GSE1: variants seen among roughly 807,000 people sequenced by gnomAD.
GSE1 encodes the protein Gse1 coiled-coil protein.
In GSE1, 32 loss-of-function variants were observed where a neutral mutation model predicts 112.6. That is an observed-to-expected ratio of 0.28 (90% CI 0.21 to 0.38). GSE1 has a LOEUF of 0.38. GSE1 is among the 10% of genes least tolerant of loss of function. The pLI, the probability that GSE1 is intolerant of heterozygous loss-of-function variation, is 1.00. For missense variants in GSE1, 2,348 were observed against 1,699.2 expected (o/e 1.38, Z -6.71); for synonymous variants, 1,115 against 735.6 (o/e 1.52, Z -8.35).
intron 2 of GSE1, among the ~76,000 whole-genome samples, chr16:85,528,983 T>C (rs1365922230): frequency 6.6e-6 from 1 of 151,958 alleles, no homozygotes; most frequent in East Asian, 1.9e-4. Flanking sequence ...TTACTCAGAA[T>C]CAAATGGGAG....
intron 1 of GSE1, among the ~76,000 whole-genome samples, chr16:85,184,654 T>G (rs541246255): frequency 6.6e-6 from 1 of 152,320 alleles, no homozygotes; most frequent in South Asian, 2.1e-4. Context: ...ATAAGTCATT[T>G]CTCATTCTCA....
At chr16:85,268,805 G>A (rs1432916036) in intron 1 of GSE1, among the ~76,000 whole-genome samples, 2 of 152,158 alleles carry the variant, frequency 1.3e-5, no homozygotes, top group African/African-American at 4.8e-5. Context: ...GAACCTGTGA[G>A]CCACCACCTT....
At chr16:85,551,583 T>G (rs1434908461), upstream of GSE1, among the ~76,000 whole-genome samples, 1 of 152,210 alleles carries the variant, frequency 6.6e-6, no homozygotes, top group Non-Finnish European at 1.5e-5. Flanking sequence ...ACGGTGGGGT[T>G]GCTTTCTGTT....
chr16:85,547,184 C>G (rs935909441), intron 2 of GSE1, among the ~76,000 whole-genome samples: 1 of 152,234 alleles, frequency 6.6e-6, no homozygotes, highest in African/African-American at 2.4e-5. Flanking sequence ...ATGCCCAGAG[C>G]TTCCCAGGGC....
intron 1 of GSE1, among the ~76,000 whole-genome samples, chr16:85,331,422 TGTATATATGTATATATATGC>T (rs1567692750): frequency 2.1e-5 from 2 of 94,634 alleles, no homozygotes; most frequent in African/African-American, 6.4e-5. Context: ...TGCGTATATA[TGTATATATGTATATATATGC>T]GTATATATGT....
chr16:85,331,522 TA>T, intron 1 of GSE1, among the ~76,000 whole-genome samples: 1 of 98,734 alleles, frequency 1.0e-5, no homozygotes, highest in East Asian at 2.6e-4. Flanking sequence ...TATATGTGTA[TA>T]TATGTGTATA....
chr16:85,657,628 G>C lies in GSE1; in HGVS notation c.1640+24G>C, dbSNP rs773067440. On this transcript the variant is annotated intron_variant, in intron 8 of 15. Coordinates refer to ENST00000253458, the MANE Select transcript of GSE1 (RefSeq NM_014615.5). ...AGGTGAGTGAGCCCCAGGAAGGAAG[G>C]AGGGATGAGCCTTCACGTTCCGATT... is the stretch of plus-strand genomic sequence containing the variant. The C allele has an allele frequency of 7.5e-6, 11 of 1,462,978 alleles. No individual in the cohort carries two copies. The South Asian group carries it at 1.3e-4, about 17-fold the overall frequency. 90.6% of individuals were successfully genotyped at this position (1,462,978 alleles called of 1,614,324 possible). A position where few individuals can be genotyped will look rare whatever the true frequency, so the allele number is the denominator to read the frequency against.
chr16:85,527,182 C>T (rs1266721013), intron 2 of GSE1, among the ~76,000 whole-genome samples: 1 of 152,232 alleles, frequency 6.6e-6, no homozygotes, highest in African/African-American at 2.4e-5. Context: ...TCATGCTTCC[C>T]CCTCGTGAGG....
At chr16:85,201,028 C>T (rs2075018788) in intron 1 of GSE1, among the ~76,000 whole-genome samples, 1 of 152,100 alleles carries the variant, frequency 6.6e-6, no homozygotes, top group Non-Finnish European at 1.5e-5. Context: ...GTTTTGTTTT[C>T]GTTGTGTGGA....
At chr16:85,635,145 G>C (rs570603954) in intron 2 of GSE1, among the ~76,000 whole-genome samples, 1 of 152,190 alleles carries the variant, frequency 6.6e-6, no homozygotes, top group Non-Finnish European at 1.5e-5. Context: ...GGGCTGGGGG[G>C]ACTTCTCATT....
At chr16:85,184,712 C>T (rs1174633561) in intron 1 of GSE1, among the ~76,000 whole-genome samples, 1 of 151,932 alleles carries the variant, frequency 6.6e-6, no homozygotes, top group Non-Finnish European at 1.5e-5. Context: ...TTTTCTTTGA[C>T]CTATGGATTA....
At chr16:85,189,130 C>A (rs897964942) in intron 1 of GSE1, among the ~76,000 whole-genome samples, 1 of 152,236 alleles carries the variant, frequency 6.6e-6, no homozygotes, top group African/African-American at 2.4e-5. Flanking sequence ...CTCTTTCTTT[C>A]ACATTTCTGC....
intron 2 of GSE1, among the ~76,000 whole-genome samples, chr16:85,405,357 G>A (rs1436233171): frequency 5.1e-4 from 1 of 1,942 alleles, no homozygotes; most frequent in African/African-American, 5.6e-4. Flanking sequence ...CAGGGCCCCC[G>A]GATAATCCTC....
chr16:85,495,461 A>G (rs960299293), intron 2 of GSE1, among the ~76,000 whole-genome samples: 1 of 146,584 alleles, frequency 6.8e-6, no homozygotes, highest in Admixed American at 6.7e-5. Flanking sequence ...TTATTTATTT[A>G]TTTATTTATT....
At chr16:85,394,574 G>A (rs1376958521) in intron 2 of GSE1, among the ~76,000 whole-genome samples, 2 of 152,214 alleles carry the variant, frequency 1.3e-5, no homozygotes, top group Non-Finnish European at 2.9e-5. Context: ...TGGATGGGCG[G>A]CAGCCCCCGC....
intron 1 of GSE1, among the ~76,000 whole-genome samples, chr16:85,252,087 C>T (rs1207893742): frequency 1.3e-5 from 2 of 152,188 alleles, no homozygotes; most frequent in East Asian, 1.9e-4. Context: ...CTCCGGAGAC[C>T]CAGGGCTGAC....
chr16:85,194,200 C>CTAT (rs1567602586), intron 1 of GSE1, among the ~76,000 whole-genome samples: 19 of 152,228 alleles, frequency 1.2e-4, no homozygotes, highest in African/African-American at 4.3e-4. Context: ...ACTCCGTGTC[C>CTAT]GGGCGCCCTT....
At chr16:85,287,440 C>G (rs1444910853) in intron 1 of GSE1, among the ~76,000 whole-genome samples, 1 of 152,084 alleles carries the variant, frequency 6.6e-6, no homozygotes, top group Non-Finnish European at 1.5e-5. Flanking sequence ...AATGATCCAC[C>G]CACACCCCCG....
At chr16:85,326,826 T>TG (rs2046237020) in intron 1 of GSE1, among the ~76,000 whole-genome samples, 1 of 152,240 alleles carries the variant, frequency 6.6e-6, no homozygotes, top group Non-Finnish European at 1.5e-5. Flanking sequence ...CTAGACGCTG[T>TG]GGGGTCCCGA....
Sources: gnomAD v4.1 joint callset for allele counts (sites outside exome capture counted in the v4.1 genomes callset) on GRCh38, gnomAD v4.1.1 for gene constraint, MANE v1.5 for transcripts, NCBI Gene and HGNC (gene_info 2026-07-23, HGNC 2026-07-21) for gene names.